The following HSD17B6 variants were observed in gnomAD, a reference collection of about 807,000 sequenced individuals.
HSD17B6 encodes the protein 17-beta-hydroxysteroid dehydrogenase type 6.
A neutral mutation model predicts 26.4 loss-of-function variants in HSD17B6; 16 were observed. The ratio of observed to expected loss-of-function variants is 0.61; its 90% CI spans 0.41 to 0.92. The LOEUF is 0.92. Among genes scored for constraint, HSD17B6 ranks in the 40% least tolerant of loss-of-function variants. HSD17B6 has a pLI of 0.00. For missense variants in HSD17B6, 357 were observed against 386.1 expected, an observed-to-expected ratio of 0.92 and a Z score of 0.63; for synonymous variants, 139 against 153.0, an observed-to-expected ratio of 0.91 and a Z score of 0.68.
intron 1 of HSD17B6, among the ~76,000 whole-genome samples, chr12:56,764,068 C>CAAAAAAAAAAAAAAAAAAAA (rs71081400): frequency 1.3e-5 from 1 of 74,340 alleles, no homozygotes; most frequent in Non-Finnish European, 2.3e-5. Context: ...GACCGTGTCT[C>CAAAAAAAAAAAAAAAAAAAA]AAAAAAAAAA....
intron 1 of HSD17B6, among the ~76,000 whole-genome samples, chr12:56,764,906 C>T (rs574769694): frequency 6.6e-5 from 10 of 152,228 alleles, no homozygotes; most frequent in African/African-American, 2.2e-4. Flanking sequence ...CTCATTGCGG[C>T]CTCTGCCTCC....
At chr12:56,774,240 C>CT in intron 2 of HSD17B6, 75 bp downstream of exon 2, 1 of 1,363,592 alleles carries the variant, frequency 7.3e-7, no homozygotes, top group Non-Finnish European at 9.9e-7. Flanking sequence ...TCCTTGGTGT[C>CT]TCCTGGGGAT....
At position 56,784,969 on chromosome 12, in the gene HSD17B6, C is replaced by T; in HGVS notation, c.689C>T (p.Ala230Val). 1 of 1,613,978 alleles carries T rather than the reference C, an allele frequency of 6.2e-7. No homozygotes were observed. The highest frequency in any genetic ancestry group is 8.5e-7 in the Non-Finnish European group (1 of 1,179,986). ...CGAATGAAGCAAAGTTGGAAAGAAG[C>T]CCCCAAGCATATTAAGGAGACCTAT... ...LERMKQSWKEAPKHIKETYGQ... is the reference protein window; with the variant it reads ...LERMKQSWKEVPKHIKETYGQ... The change falls in exon 4 of 5, where the codon GCC becomes GTC. Residue 230 changes from alanine to valine, a missense_variant. Physicochemically the swap from Ala to Val is moderately conservative, Grantham distance 64 (BLOSUM62 0). Coordinates refer to ENST00000322165, the MANE Select transcript of HSD17B6 (RefSeq NM_003725.4).
intron 4 of HSD17B6, among the ~76,000 whole-genome samples, chr12:56,786,704 A>T (rs1406417550): frequency 6.6e-6 from 1 of 152,186 alleles, no homozygotes; most frequent in Non-Finnish European, 1.5e-5. Flanking sequence ...AAACAAAATT[A>T]GCTGGGCATG....
At chr12:56,783,571 GA>G (rs1954786480) in intron 3 of HSD17B6, among the ~76,000 whole-genome samples, 1 of 143,756 alleles carries the variant, frequency 7.0e-6, no homozygotes, top group African/African-American at 2.6e-5. Context: ...TCCCGGACAG[GA>G]CGGCTGGCCG....
chr12:56,772,100 G>C (rs537063231), intron 1 of HSD17B6, among the ~76,000 whole-genome samples: 4 of 152,110 alleles, frequency 2.6e-5, no homozygotes, highest in Non-Finnish European at 4.4e-5. Context: ...TATCTTTATA[G>C]CTGTGTGAAA....
chr12:56,774,000 G>A lies in HSD17B6; in HGVS notation c.148G>A (p.Asp50Asn), dbSNP rs1486169956. 1 of 1,614,152 alleles carries A rather than the reference G, an allele frequency of 6.2e-7. No homozygotes were observed. The highest frequency in any genetic ancestry group is 1.7e-5 in the Admixed American group (1 of 60,016). Residue 50 changes from aspartate to asparagine, a missense_variant, in exon 2 of 5, where the codon GAT becomes AAT. Asp to Asn is a conservative substitution (Grantham distance 23). Coordinates refer to ENST00000322165, the MANE Select transcript of HSD17B6 (RefSeq NM_003725.4). ...TGGGAACCTGCTGGCCAGACAGCTG[G>A]ATGCACGAGGCTTGAGAGTGCTGGC... ...GFGNLLARQLDARGLRVLAAC... is the reference protein window; with the variant it reads ...GFGNLLARQLNARGLRVLAAC...
At chr12:56,786,395 A>G (rs1250399573) in intron 4 of HSD17B6, among the ~76,000 whole-genome samples, 1 of 151,998 alleles carries the variant, frequency 6.6e-6, no homozygotes, top group Non-Finnish European at 1.5e-5. Flanking sequence ...GACTACAGGC[A>G]TGCACCACCA....
intron 1 of HSD17B6, among the ~76,000 whole-genome samples, chr12:56,772,470 G>A (rs528216767): frequency 2.0e-5 from 3 of 152,088 alleles, no homozygotes; most frequent in East Asian, 1.9e-4. Flanking sequence ...CAAGGTGGGT[G>A]GATCACCTGA....
intron 1 of HSD17B6, among the ~76,000 whole-genome samples, chr12:56,766,832 T>C (rs908047167): frequency 6.6e-6 from 1 of 152,102 alleles, no homozygotes; most frequent in Non-Finnish European, 1.5e-5. Flanking sequence ...GAAGGGACGC[T>C]GTCTGTGACT....
At chr12:56,764,508 T>G (rs1201208684) in intron 1 of HSD17B6, among the ~76,000 whole-genome samples, 1 of 152,154 alleles carries the variant, frequency 6.6e-6, no homozygotes, top group Non-Finnish European at 1.5e-5. Context: ...CACCAGATAA[T>G]GCACATTCCC....
intron 3 of HSD17B6, among the ~76,000 whole-genome samples, chr12:56,782,981 C>A (rs1954759094): frequency 6.6e-6 from 1 of 152,204 alleles, no homozygotes; most frequent in Admixed American, 6.5e-5. Context: ...TCAACAGGAT[C>A]CCAAGGCAGA....
chr12:56,783,531 G>A (rs1418356769), intron 3 of HSD17B6, among the ~76,000 whole-genome samples: 1 of 145,314 alleles, frequency 6.9e-6, no homozygotes, highest in Non-Finnish European at 1.5e-5. Flanking sequence ...GCGGCCGGCC[G>A]GGCGGGGGGC....
intron 1 of HSD17B6, chr12:56,770,531 T>C (rs1954446949): frequency 6.6e-6 from 1 of 152,278 alleles, no homozygotes. Context: ...TTTTTCCTAC[T>C]TCTCTGGCTC....
rs371106797 is a variant in HSD17B6 at position 56,775,834 on chromosome 12, G to T, written c.313+1669G>T. Among the ~76,000 whole-genome samples, 4 of 152,038 alleles carry T rather than the reference G, an allele frequency of 2.6e-5. No individual in the cohort carries two copies. In the East Asian group the frequency reaches 7.7e-4, roughly 29 times the overall value. On this transcript the variant is annotated intron_variant, in intron 2 of 4. Transcript: ENST00000322165. ...AGTTTCAGTTCCCTAAAAGTCCCTC[G>T]TGCTTTACATATTCATCACTCCCCA...
chr12:56,767,629 AT>A (rs1565915277), intron 1 of HSD17B6, among the ~76,000 whole-genome samples: 3 of 144,516 alleles, frequency 2.1e-5, no homozygotes, highest in African/African-American at 7.6e-5. Flanking sequence ...TATAACATAT[AT>A]ATTATATTAA....
At chr12:56,783,686 G>A (rs1954795790) in intron 3 of HSD17B6, among the ~76,000 whole-genome samples, 1 of 136,112 alleles carries the variant, frequency 7.3e-6, no homozygotes. Context: ...GGCCGGGCGG[G>A]GGGCTGACCC....
rs770147231 is a variant in HSD17B6, at chr12:56,785,048, G to A, written c.736+32G>A. 3.8e-6 allele frequency: 6 copies of A among 1,588,316 alleles called. No homozygotes were observed. The Admixed American group carries it at 9.0e-5, about 24-fold the overall frequency. ...TTTTTTCTTTTGATAGGGATAATGG[G>A]TACCCTGTATTAGTCCATTCTCATG... On this transcript the variant is annotated intron_variant, in intron 4 of 4. Coordinates refer to ENST00000322165, the MANE Select transcript of HSD17B6 (RefSeq NM_003725.4).
chr12:56,767,260 C>A (rs988844870), intron 1 of HSD17B6, among the ~76,000 whole-genome samples: 3 of 152,024 alleles, frequency 2.0e-5, no homozygotes, highest in African/African-American at 7.2e-5. Context: ...CGCCTGTAAT[C>A]CCAGCACTTT....
Sources: gnomAD v4.1 joint callset for allele counts (sites outside exome capture counted in the v4.1 genomes callset) on GRCh38, gnomAD v4.1.1 for gene constraint, MANE v1.5 for transcripts, NCBI Gene and HGNC (gene_info 2026-07-23, HGNC 2026-07-21) for gene names.